The following GALNT10 variants were observed in gnomAD, a reference collection of about 807,000 sequenced individuals.
GALNT10 encodes polypeptide N-acetylgalactosaminyltransferase 10.
Under a neutral mutation model 75.0 loss-of-function variants are expected in GALNT10, and 41 were observed. That is an observed-to-expected ratio of 0.55 (90% CI 0.43 to 0.71). The LOEUF (loss-of-function observed/expected upper bound fraction) is 0.71, where lower values mean the gene tolerates loss of function less well. Among genes scored for constraint, GALNT10 ranks in the 30% least tolerant of loss-of-function variants. The pLI is 0.00. For missense variants in GALNT10, 727 were observed against 818.5 expected (o/e 0.89, Z 1.36); for synonymous variants, 302 against 313.0 (o/e 0.96, Z 0.37).
At chr5:154,289,131 C>T (rs1013271493) in intron 1 of GALNT10, among the ~76,000 whole-genome samples, 3 of 152,156 alleles carry the variant, frequency 2.0e-5, no homozygotes, top group Admixed American at 6.5e-5. Context: ...TGGAACATAC[C>T]GTGTTTTCAT....
chr5:154,243,041 T>C (rs1753363496), intron 1 of GALNT10, among the ~76,000 whole-genome samples: 1 of 152,240 alleles, frequency 6.6e-6, no homozygotes, highest in Non-Finnish European at 1.5e-5. Flanking sequence ...ATTATAGCTC[T>C]GCCACTTACT....
rs189840047 is a variant in GALNT10 at position 154,243,400 on chromosome 5, T to C, written c.160-51416T>C. Among the ~76,000 whole-genome samples, 53 of 152,368 alleles carry C rather than the reference T, an allele frequency of 3.5e-4. No homozygotes were observed. In the East Asian group the frequency reaches 8.5e-3, roughly 24 times the overall value. ...ATCTGAGTACTATTTAACATAGGAC[T>C]GCTTGCCAGGTGTACCTGGGTATAC... is the stretch of plus-strand genomic sequence containing the variant. On this transcript the variant is annotated intron_variant, in intron 1 of 11. Coordinates refer to ENST00000297107, the MANE Select transcript of GALNT10 (RefSeq NM_198321.4).
rs933101759 is a variant in GALNT10 at position 154,375,817 on chromosome 5, C to T, written c.569-460C>T. On this transcript the variant is annotated intron_variant, in intron 4 of 11. Transcript: ENST00000297107. ...AGCCAAATAAGGTCACATGACCATC[C>T]CTGAAACAATCACTGTGGCCAAGGG... Among the ~76,000 whole-genome samples, 7 of 152,170 alleles carry T rather than the reference C, an allele frequency of 4.6e-5. No individual in the cohort carries two copies. The South Asian group carries it at 8.3e-4, about 18-fold the overall frequency.
rs1756590219 is a variant in GALNT10, at chr5:154,419,693, C to T, written c.*2721C>T. On this transcript the variant is annotated 3_prime_UTR_variant, in exon 12 of 12. Transcript: ENST00000297107. Reference sequence around the variant, plus strand: ...GGAAGGAAGGACAGAACTTGACTGGCTCCATTTCATGGACCAACTGATCAA... The same window carrying T: ...GGAAGGAAGGACAGAACTTGACTGGTTCCATTTCATGGACCAACTGATCAA... The T allele has an allele frequency of 6.6e-6, 1 of 152,396 alleles. No individual in the cohort carries two copies. The highest frequency in any genetic ancestry group is 2.1e-4 in the South Asian group (1 of 4,830). 9.4% of individuals were successfully genotyped at this position (152,396 alleles called of 1,614,324 possible).
At position 154,417,037 on chromosome 5, in the gene GALNT10, G is replaced by A; in HGVS notation, c.*65G>A. On this transcript the variant is annotated 3_prime_UTR_variant, in exon 12 of 12. Transcript: ENST00000297107. ...CTCACTGCAGACTTCCTCTTTCAAG[G>A]GAGGCAGGGCCCCTGTGGGCACTAG... 3.4e-6 allele frequency: 5 copies of A among 1,475,232 alleles called. No homozygotes were observed. The highest frequency in any genetic ancestry group is 4.7e-6 in the Non-Finnish European group (5 of 1,060,634). 91.4% of individuals were successfully genotyped at this position (1,475,232 alleles called of 1,614,324 possible). A position where few individuals can be genotyped will look rare whatever the true frequency, so the allele number is the denominator to read the frequency against.
intron 1 of GALNT10, among the ~76,000 whole-genome samples, chr5:154,284,981 G>C (rs987442931): frequency 1.3e-5 from 2 of 152,130 alleles, no homozygotes; most frequent in Non-Finnish European, 2.9e-5. Context: ...CACCACTTAA[G>C]GTGAAAATAA....
intron 4 of GALNT10, chr5:154,337,371 G>A: frequency 1.8e-6 from 1 of 546,532 alleles, no homozygotes; most frequent in Non-Finnish European, 3.4e-6. Flanking sequence ...TGCCACCATT[G>A]TGCTTGGCTG....
chr5:154,202,391 A>G (rs1293894395), intron 1 of GALNT10, among the ~76,000 whole-genome samples: 6 of 152,230 alleles, frequency 3.9e-5, no homozygotes, highest in African/African-American at 1.2e-4. Flanking sequence ...CACTGGCTCC[A>G]CAGCAGAAAC....
At chr5:154,308,118 C>T (rs766018527) in intron 3 of GALNT10, among the ~76,000 whole-genome samples, 7 of 150,798 alleles carry the variant, frequency 4.6e-5, no homozygotes, top group East Asian at 2.0e-4. Flanking sequence ...ATAGTAGCCA[C>T]GTGGGTAAAT....
chr5:154,287,313 A>C (rs1021679479), intron 1 of GALNT10, among the ~76,000 whole-genome samples: 2 of 151,932 alleles, frequency 1.3e-5, no homozygotes, highest in Non-Finnish European at 2.9e-5. Context: ...CATCCTGCTC[A>C]CTCCAGCCAA....
At chr5:154,209,375 G>A (rs1208907938) in intron 1 of GALNT10, among the ~76,000 whole-genome samples, 2 of 152,146 alleles carry the variant, frequency 1.3e-5, no homozygotes. Flanking sequence ...AACCATTTTT[G>A]CATAGCAGGC....
At chr5:154,345,947 ATTTTTTTTTTTT>A (rs70978537) in intron 4 of GALNT10, among the ~76,000 whole-genome samples, 1 of 65,414 alleles carries the variant, frequency 1.5e-5, no homozygotes, top group Non-Finnish European at 2.8e-5. Flanking sequence ...CACCCGCCTA[ATTTTTTTTTTTT>A]TTTTTTTTTT....
At chr5:154,329,503 T>C (rs1256702064) in intron 3 of GALNT10, 69 bp from the exon 4 acceptor site, 9 of 1,298,640 alleles carry the variant, frequency 6.9e-6, no homozygotes, top group Non-Finnish European at 7.8e-6. Flanking sequence ...AGCCAAACCC[T>C]GTGCCTGAGT....
chr5:154,225,689 C>G (rs1405879073), intron 1 of GALNT10, among the ~76,000 whole-genome samples: 1 of 75,850 alleles, frequency 1.3e-5, no homozygotes, highest in African/African-American at 3.0e-5. Flanking sequence ...CAGGTGTGAG[C>G]CACTATGCCC....
chr5:154,346,887 A>G (rs1447485724), intron 4 of GALNT10, among the ~76,000 whole-genome samples: 2 of 152,024 alleles, frequency 1.3e-5, no homozygotes, highest in African/African-American at 4.8e-5. Context: ...AGAGTTTTAT[A>G]GATTAATTGA....
intron 3 of GALNT10, among the ~76,000 whole-genome samples, chr5:154,327,049 C>T (rs1754765940): frequency 6.6e-6 from 1 of 151,866 alleles, no homozygotes; most frequent in Admixed American, 6.6e-5. Flanking sequence ...AACCTTGTCT[C>T]TACAAAAAAA....
At position 154,325,406 on chromosome 5, in the gene GALNT10, A is replaced by G. The variant is rs1406524297; in HGVS notation, c.402-4166A>G. Among the ~76,000 whole-genome samples the G allele has an allele frequency of 2.0e-5, 3 of 152,176 alleles. No individual in the cohort carries two copies. In the East Asian group the frequency reaches 5.8e-4, roughly 29 times the overall value. On this transcript the variant is annotated intron_variant, in intron 3 of 11. Transcript: ENST00000297107. ...AGCAAAAGAGATACAATAAAATCAG[A>G]CAAAGACATAACAACTATAGACCAG...
intron 4 of GALNT10, among the ~76,000 whole-genome samples, chr5:154,351,750 C>G (rs1755206573): frequency 6.6e-6 from 1 of 152,152 alleles, no homozygotes. Context: ...ATGGGTTTGG[C>G]CATCTGACTG....
rs1476597036 is a variant in GALNT10 at position 154,329,807 on chromosome 5, GT to G, written c.568+73del. On this transcript the variant is annotated intron_variant, in intron 4 of 11. Transcript: ENST00000297107. ...TGGCGACTCACCAAAGGGATGGCAG[GT>G]TTTCCCTTCTTTAGCAGCATCAACA... 6.1e-6 allele frequency: 7 copies of G among 1,152,436 alleles called. No individual in the cohort carries two copies. The East Asian group carries it at 1.7e-4, about 27-fold the overall frequency. The allele number at this position is 1,152,436 out of a possible 1,614,324, so 71.4% of individuals were successfully genotyped here. A position where few individuals can be genotyped will look rare whatever the true frequency, so the allele number is the denominator to read the frequency against.
Sources: gnomAD v4.1 joint callset for allele counts (sites outside exome capture counted in the v4.1 genomes callset) on GRCh38, gnomAD v4.1.1 for gene constraint, MANE v1.5 for transcripts, NCBI Gene and HGNC (gene_info 2026-07-23, HGNC 2026-07-21) for gene names.